SLC25A22: variants seen among roughly 807,000 people sequenced by gnomAD.
SLC25A22 encodes the protein solute carrier family 25 member 22, also known as mitochondrial glutamate carrier 1.
Under a neutral mutation model 33.7 loss-of-function variants are expected in SLC25A22, and 23 were observed. The ratio of observed to expected loss-of-function variants is 0.68; its 90% CI spans 0.49 to 0.97. The LOEUF (loss-of-function observed/expected upper bound fraction) is 0.97, where lower values mean the gene tolerates loss of function less well. Among genes scored for constraint, SLC25A22 ranks in the 50% least tolerant of loss-of-function variants. The pLI is 0.00. For synonymous variants in SLC25A22, 245 were observed against 203.8 expected (o/e 1.20, Z -1.72); for missense variants, 390 against 451.1 (o/e 0.86, Z 1.23).
In SLC25A22 at chr11:792,328, C is replaced by T. The variant is rs746087902; in HGVS notation, c.718G>A (p.Ala240Thr). The change falls in exon 8 of 10, where the codon GCT (alanine) becomes ACT (threonine). Residue 240 changes from alanine (A) to threonine (T), a missense_variant. Coordinates refer to ENST00000628067, the MANE Select transcript of SLC25A22 (RefSeq NM_001191061.2). ...LAGCVAGSAA[A>T]VAVNPCDVVK... The stretch of plus-strand genomic sequence containing the variant: ...CCATCACAGGGGTTGACGGCCACAG[C>T]GGCGGCACTCCCAGCCACACAGCCG... 1.2e-6 allele frequency: 2 copies of T among 1,613,112 alleles called. No homozygotes were observed. Among genetic ancestry groups the T allele is most frequent in the African/African-American group, 2.7e-5 (2 of 75,034 alleles).
Position 792,074 on chromosome 11 carries a change from G to A in SLC25A22, c.819-6C>T, listed in dbSNP as rs1311947754. The A allele has an allele frequency of 2.3e-5, 36 of 1,598,006 alleles. No homozygotes were observed. Among genetic ancestry groups the A allele is most frequent in the Non-Finnish European group, 3.0e-5 (35 of 1,172,730 alleles). On this transcript the variant is annotated splice_region_variant and splice_polypyrimidine_tract_variant and intron_variant, in intron 9 of 9. Transcript: ENST00000628067. ...CCTCGTGCCGCAGGATCTTCCTGTGGAGGAAGGACGAAAGGGTCAGCCCGG... is the reference window on the plus strand; with the variant it reads ...CCTCGTGCCGCAGGATCTTCCTGTGAAGGAAGGACGAAAGGGTCAGCCCGG...
At chr11:792,800 T>C in intron 6 of SLC25A22, 70 bp downstream of exon 6, 1 of 1,545,350 alleles carries the variant, frequency 6.5e-7, no homozygotes, top group Non-Finnish European at 8.7e-7. Flanking sequence ...CCTCCCTGCG[T>C]CCCCACCCTC....
intron 1 of SLC25A22, chr11:795,439 C>T (rs1864771597): frequency 3.0e-6 from 1 of 332,338 alleles, no homozygotes; most frequent in South Asian, 2.3e-5. Flanking sequence ...TCACGTGCAC[C>T]CCAGCCAGCT....
In SLC25A22 at chr11:791,267, G is replaced by A; in HGVS notation, c.*648C>T. 6.2e-6 allele frequency: 1 copy of A among 162,534 alleles called. No homozygotes were observed. Among genetic ancestry groups the A allele is most frequent in the South Asian group, 1.8e-4 (1 of 5,562 alleles). 10.1% of individuals were successfully genotyped at this position (162,534 alleles called of 1,614,324 possible). A position where few individuals can be genotyped will look rare whatever the true frequency, so the allele number is the denominator to read the frequency against. On this transcript the variant is annotated 3_prime_UTR_variant, in exon 10 of 10. Coordinates refer to ENST00000628067, the MANE Select transcript of SLC25A22 (RefSeq NM_001191061.2). ...CCTCACAATCTGGGCCCCAGCCTGG[G>A]GTGGGAGCTGAGGAGCCCACCAGAA...
rs574420401 is a variant in SLC25A22, at chr11:796,897, G to C, written c.-164+1320C>G. On this transcript the variant is annotated intron_variant, in intron 1 of 9. Transcript: ENST00000628067. Reference sequence around the variant, plus strand: ...CCTTTCCCTGCCTCAGCCAGTGGTGGTGACAAGCTGACCTCTGAACTTCTA... The same window carrying C: ...CCTTTCCCTGCCTCAGCCAGTGGTGCTGACAAGCTGACCTCTGAACTTCTA... Among the ~76,000 whole-genome samples, 18 of 152,296 alleles carry C rather than the reference G, an allele frequency of 1.2e-4. No individual in the cohort carries two copies. In the East Asian group the frequency reaches 3.5e-3, roughly 29 times the overall value.
Position 791,879 on chromosome 11 carries a change from C to T in SLC25A22, c.*36G>A. On this transcript the variant is annotated 3_prime_UTR_variant, in exon 10 of 10. Transcript: ENST00000628067. ...TGCCTGGCTCCAGCCCCACACCGGC[C>T]CTGCCCAGCTGGCTGGGGTGGAGCG... 1.3e-6 allele frequency: 2 copies of T among 1,563,878 alleles called. No homozygotes were observed. Among genetic ancestry groups the T allele is most frequent in the Non-Finnish European group, 8.6e-7 (1 of 1,162,512 alleles).
Position 791,566 on chromosome 11 carries a change from G to A in SLC25A22, c.*349C>T, listed in dbSNP as rs974018608. 1.2e-4 allele frequency: 44 copies of A among 368,986 alleles called. No individual in the cohort carries two copies. Among genetic ancestry groups the A allele is most frequent in the African/African-American group, 8.9e-4 (43 of 48,096 alleles). The allele number at this position is 368,986 out of a possible 1,614,324, so 22.9% of individuals were successfully genotyped here. A position where few individuals can be genotyped will look rare whatever the true frequency, so the allele number is the denominator to read the frequency against. On this transcript the variant is annotated 3_prime_UTR_variant, in exon 10 of 10. Coordinates refer to ENST00000628067, the MANE Select transcript of SLC25A22 (RefSeq NM_001191061.2). ...TGTGGAGACTGGAGCTGGTGGACTG[G>A]GGGTATGGTCCAGCCTGCCCGGCCC...
chr11:794,901 G>C lies in SLC25A22; in HGVS notation c.21C>G (p.Ser7Arg). MADKQI[S>R]LPAKLINGGI... ...CGCCATTGATGAGCTTGGCTGGCAG[G>C]CTGTGTGGACAGGGGTGTCAGGACC... Residue 7 changes from serine to arginine, a missense_variant and splice_region_variant, in exon 3 of 10, where the codon AGC (serine) becomes AGG (arginine). Coordinates refer to ENST00000628067, the MANE Select transcript of SLC25A22 (RefSeq NM_001191061.2). 1 of 1,565,142 alleles carries C rather than the reference G, an allele frequency of 6.4e-7. No homozygotes were observed. The highest frequency in any genetic ancestry group is 8.7e-7 in the Non-Finnish European group (1 of 1,154,810).
At position 792,722 on chromosome 11, in the gene SLC25A22, G is replaced by A. The variant is rs797045969; in HGVS notation, c.418C>T (p.Gln140Ter). Residue 140 changes from glutamine to a stop codon, truncating the protein, a stop_gained, in exon 7 of 10, where the codon CAG becomes TAG. Coordinates refer to ENST00000628067, the MANE Select transcript of SLC25A22 (RefSeq NM_001191061.2). LOFTEE classifies it high-confidence loss of function. ...QLQDAGRIAA[Q>*]RKILAAQGQL... ...CCCTGGGCAGCCAGGATCTTCCTCT[G>A]GGCGGCTGGGGACAAAGAGGCTGCT... 2 of 1,546,402 alleles carry A rather than the reference G, an allele frequency of 1.3e-6. No homozygotes were observed. The highest frequency in any genetic ancestry group is 1.7e-6 in the Non-Finnish European group (2 of 1,150,234).
chr11:794,412 G>T, intron 4 of SLC25A22, 46 bp downstream of exon 4: 2 of 1,599,146 alleles, frequency 1.3e-6, no homozygotes, highest in Non-Finnish European at 1.7e-6. Flanking sequence ...ACTCGCGGGC[G>T]CTACCCAGGC....
rs193920962 is a variant in SLC25A22, at chr11:794,482, C to T, written c.178G>A (p.Glu60Lys). ...SDCLIKTVRS[E>K]GYFGMYRGAA... ...CCCCGGTACATGCCGAAGTAGCCCT[C>T]GGAGCGGACGGTCTTGATGAGGCAG... Residue 60 changes from glutamate to lysine, a missense_variant, in exon 4 of 10, where the codon GAG becomes AAG. Glu to Lys is a moderately conservative substitution (Grantham distance 56). Transcript: ENST00000628067. 23 of 1,612,860 alleles carry T rather than the reference C, an allele frequency of 1.4e-5. No homozygotes were observed. Among genetic ancestry groups the T allele is most frequent in the African/African-American group, 2.7e-5 (2 of 74,910 alleles).
chr11:794,607 T>C (rs1320395963), intron 3 of SLC25A22, 94 bp from the exon 4 acceptor site: 24 of 1,545,600 alleles, frequency 1.6e-5, no homozygotes, highest in Non-Finnish European at 2.1e-5. Flanking sequence ...AGAGGCCAAG[T>C]CCTCAGCCCA....
Position 793,560 on chromosome 11 carries a change from C to G in SLC25A22, c.262G>C (p.Asp88His). ...TTAGAGAGCTGATGTCGGAAGAAGTCGTTGGCTGCCAGCTTGATGGCCTTC... is the reference window on the plus strand; with the variant it reads ...TTAGAGAGCTGATGTCGGAAGAAGTGGTTGGCTGCCAGCTTGATGGCCTTC... ...PEKAIKLAAN[D>H]FFRHQLSKDG... The change falls in exon 5 of 10, where the codon GAC (aspartate) becomes CAC (histidine). Residue 88 changes from aspartate (D) to histidine (H), a missense_variant. By Grantham distance (81) the Asp-to-His change is moderately conservative. Coordinates refer to ENST00000628067, the MANE Select transcript of SLC25A22 (RefSeq NM_001191061.2). 1 of 1,613,196 alleles carries G rather than the reference C, an allele frequency of 6.2e-7. No individual in the cohort carries two copies. Among genetic ancestry groups the G allele is most frequent in the East Asian group, 2.2e-5 (1 of 44,840 alleles).
At chr11:794,726 CCTGCTG>C (rs751658972) in intron 3 of SLC25A22, 44 bp downstream of exon 3, 1 of 1,582,278 alleles carries the variant, frequency 6.3e-7, no homozygotes, top group Non-Finnish European at 8.6e-7. Context: ...CCCCACCTCT[CCTGCTG>C]CCACATGCTG....
chr11:794,556 A>T (rs1445258901), intron 3 of SLC25A22, 43 bp from the exon 4 acceptor site: 1 of 1,605,026 alleles, frequency 6.2e-7, no homozygotes, highest in Non-Finnish European at 8.5e-7. Context: ...AGCTGGGGCC[A>T]GCCGGAGGCC....
chr11:793,787 A>G (rs569527789), intron 4 of SLC25A22, 168 bp from the exon 5 acceptor site: 35 of 636,340 alleles, frequency 5.5e-5, no homozygotes, highest in African/African-American at 3.2e-4. Context: ...GGGCGGGGCC[A>G]GGCAGGGATG....
At chr11:792,484 G>A (rs962701972) in intron 7 of SLC25A22, 26 bp from the exon 8 acceptor site, 1 of 1,612,714 alleles carries the variant, frequency 6.2e-7, no homozygotes, top group African/African-American at 1.3e-5. Flanking sequence ...TGGCCGTGGG[G>A]ACAGGAGGTG....
At chr11:797,106 G>A (rs1441372175) in intron 1 of SLC25A22, among the ~76,000 whole-genome samples, 1 of 152,194 alleles carries the variant, frequency 6.6e-6, no homozygotes, top group Non-Finnish European at 1.5e-5. Context: ...CTGGGATGAG[G>A]ACACCTGCAT....
chr11:791,747 G>A lies in SLC25A22; in HGVS notation c.*168C>T. ...CCCAACGGTGCAGGCAGCACCCCGG[G>A]GGGCTTGCGTGTGCACCACCTATGT... is the stretch of plus-strand genomic sequence containing the variant. On this transcript the variant is annotated 3_prime_UTR_variant, in exon 10 of 10. Coordinates refer to ENST00000628067, the MANE Select transcript of SLC25A22 (RefSeq NM_001191061.2). 1.1e-6 allele frequency: 1 copy of A among 870,960 alleles called. No homozygotes were observed. The highest frequency in any genetic ancestry group is 1.8e-5 in the South Asian group (1 of 56,074). The allele number at this position is 870,960 out of a possible 1,614,324, so 54.0% of individuals were successfully genotyped here. A position where few individuals can be genotyped will look rare whatever the true frequency, so the allele number is the denominator to read the frequency against.
Sources: allele counts gnomAD v4.1 joint callset (sites outside exome capture counted in the v4.1 genomes callset), GRCh38; gene constraint gnomAD v4.1.1; transcripts MANE v1.5; gene names NCBI Gene and HGNC (gene_info 2026-07-23, HGNC 2026-07-21).